The following ZNF385B variants were observed in gnomAD, a reference collection of about 807,000 sequenced individuals.
ZNF385B encodes zinc finger protein 533.
In ZNF385B, 23 loss-of-function variants were observed where a neutral mutation model predicts 39.2. The ratio of observed to expected loss-of-function variants is 0.59; its 90% CI spans 0.42 to 0.83. The LOEUF is 0.83. ZNF385B is among the 40% of genes least tolerant of loss of function. ZNF385B has a pLI of 0.00. For missense variants in ZNF385B, 552 were observed against 598.9 expected (o/e 0.92, Z 0.82); for synonymous variants, 205 against 222.6 (o/e 0.92, Z 0.70).
chr2:179,542,882 G>A (rs1160648772), intron 4 of ZNF385B, among the ~76,000 whole-genome samples: 1 of 152,248 alleles, frequency 6.6e-6, no homozygotes, highest in Non-Finnish European at 1.5e-5. Context: ...GTATGTGCAG[G>A]GGTATGGAAT....
At chr2:179,855,429 C>T (rs1267208531) in intron 1 of ZNF385B, among the ~76,000 whole-genome samples, 1 of 152,036 alleles carries the variant, frequency 6.6e-6, no homozygotes, top group Middle Eastern at 3.2e-3. Flanking sequence ...TGTTAAAAGA[C>T]TAAGTCATTT....
intron 3 of ZNF385B, among the ~76,000 whole-genome samples, chr2:179,616,622 C>T (rs1291565226): frequency 2.0e-5 from 3 of 152,112 alleles, no homozygotes; most frequent in Non-Finnish European, 4.4e-5. Context: ...TGCAGTGGTG[C>T]GATCATAGCT....
chr2:179,812,964 A>G lies in ZNF385B; in HGVS notation c.-154-42292T>C, dbSNP rs186682385. 1.4e-4 allele frequency among the ~76,000 whole-genome samples: 21 copies of G among 152,268 alleles called. No individual in the cohort carries two copies. In the East Asian group the frequency reaches 4.1e-3, roughly 29 times the overall value. ...CTCTCCTATAATATTTACAAAATCA[A>G]TAGTTTCCATATTTTTATAACTATT... On this transcript the variant is annotated intron_variant, in intron 1 of 9. Coordinates refer to ENST00000410066, the MANE Select transcript of ZNF385B (RefSeq NM_152520.6).
At chr2:179,479,812 C>T (rs1283569194) in intron 6 of ZNF385B, among the ~76,000 whole-genome samples, 1 of 152,082 alleles carries the variant, frequency 6.6e-6, no homozygotes, top group African/African-American at 2.4e-5. Flanking sequence ...ACACTCCAGC[C>T]TGGGCAACAG....
At chr2:179,694,024 G>A (rs1182329726) in intron 3 of ZNF385B, among the ~76,000 whole-genome samples, 2 of 152,036 alleles carry the variant, frequency 1.3e-5, no homozygotes, top group Admixed American at 1.3e-4. Flanking sequence ...CTAATACAAT[G>A]ATTAATAGAC....
At chr2:179,816,096 C>T (rs1707048066) in intron 1 of ZNF385B, among the ~76,000 whole-genome samples, 1 of 152,140 alleles carries the variant, frequency 6.6e-6, no homozygotes, top group African/African-American at 2.4e-5. Context: ...GTCTATCAAA[C>T]TGCCAAGAAG....
chr2:179,617,970 C>T (rs1272704012), intron 3 of ZNF385B, among the ~76,000 whole-genome samples: 1 of 152,094 alleles, frequency 6.6e-6, no homozygotes, highest in African/African-American at 2.4e-5. Context: ...CACGTTTCTC[C>T]CGTGCTCACT....
intron 3 of ZNF385B, among the ~76,000 whole-genome samples, chr2:179,667,085 T>C (rs1380591519): frequency 6.6e-6 from 1 of 152,204 alleles, no homozygotes; most frequent in Non-Finnish European, 1.5e-5. Context: ...GGTGGCATAA[T>C]ACAATTGGCA....
At chr2:179,455,802 G>A (rs1320607016) in intron 6 of ZNF385B, among the ~76,000 whole-genome samples, 1 of 150,066 alleles carries the variant, frequency 6.7e-6, no homozygotes, top group Non-Finnish European at 1.5e-5. Context: ...TGAGGCAGGA[G>A]AATCTCTTGA....
chr2:179,641,763 C>T (rs1249252299), intron 3 of ZNF385B, among the ~76,000 whole-genome samples: 1 of 152,032 alleles, frequency 6.6e-6, no homozygotes, highest in Non-Finnish European at 1.5e-5. Context: ...AAATCTTGTT[C>T]AGCCCTTGAA....
intron 1 of ZNF385B, among the ~76,000 whole-genome samples, chr2:179,825,625 T>A (rs1707637366): frequency 6.6e-6 from 1 of 152,200 alleles, no homozygotes; most frequent in Non-Finnish European, 1.5e-5. Flanking sequence ...TAGTTAGCTG[T>A]GCCTAGGCTT....
At chr2:179,516,774 T>C (rs867718247) in intron 5 of ZNF385B, among the ~76,000 whole-genome samples, 2 of 152,122 alleles carry the variant, frequency 1.3e-5, no homozygotes, top group African/African-American at 2.4e-5. Flanking sequence ...AAGTCCAATA[T>C]ATCAATATTC....
chr2:179,729,571 T>C (rs1018893503), intron 3 of ZNF385B, among the ~76,000 whole-genome samples: 3 of 152,218 alleles, frequency 2.0e-5, no homozygotes, highest in African/African-American at 7.2e-5. Context: ...GCATTAATGC[T>C]TACATGAAGT....
chr2:179,661,161 T>C (rs1052139839), intron 3 of ZNF385B, among the ~76,000 whole-genome samples: 5 of 152,052 alleles, frequency 3.3e-5, no homozygotes, highest in African/African-American at 1.2e-4. Flanking sequence ...CAGAAAACTG[T>C]AAAAGGGAAA....
At chr2:179,473,526 T>A (rs2053050228) in intron 6 of ZNF385B, among the ~76,000 whole-genome samples, 3 of 152,100 alleles carry the variant, frequency 2.0e-5, no homozygotes, top group Admixed American at 2.0e-4. Flanking sequence ...CACTCCCATT[T>A]CTGAAAAAAA....
At chr2:179,637,932 C>T (rs1475287757) in intron 3 of ZNF385B, among the ~76,000 whole-genome samples, 5 of 152,180 alleles carry the variant, frequency 3.3e-5, no homozygotes, top group African/African-American at 4.8e-5. Context: ...ATAGATCACA[C>T]GTATGAAGAC....
intron 3 of ZNF385B, among the ~76,000 whole-genome samples, chr2:179,619,131 T>C (rs1198939488): frequency 6.6e-6 from 1 of 152,196 alleles, no homozygotes; most frequent in African/African-American, 2.4e-5. Flanking sequence ...AATTTGAGCA[T>C]GGAATAGATG....
intron 3 of ZNF385B, among the ~76,000 whole-genome samples, chr2:179,608,238 C>T (rs1018198765): frequency 1.3e-5 from 2 of 152,120 alleles, no homozygotes; most frequent in Non-Finnish European, 2.9e-5. Flanking sequence ...TAACTGCTCC[C>T]TTCTTTTTCT....
intron 3 of ZNF385B, among the ~76,000 whole-genome samples, chr2:179,568,981 G>A (rs1050742952): frequency 1.3e-5 from 2 of 152,166 alleles, no homozygotes; most frequent in Non-Finnish European, 2.9e-5. Context: ...GTATAACAAT[G>A]TCTAACACTT....
Sources: gnomAD v4.1 joint callset for allele counts (sites outside exome capture counted in the v4.1 genomes callset) on GRCh38, gnomAD v4.1.1 for gene constraint, MANE v1.5 for transcripts, NCBI Gene and HGNC (gene_info 2026-07-23, HGNC 2026-07-21) for gene names.